The following CAMK1D variants were observed in gnomAD, a reference collection of about 807,000 sequenced individuals.
CAMK1D encodes the protein calcium/calmodulin dependent protein kinase ID.
Under a neutral mutation model 47.7 loss-of-function variants are expected in CAMK1D, and 9 were observed. The ratio of observed to expected loss-of-function variants is 0.19; its 90% CI spans 0.11 to 0.33. The LOEUF (loss-of-function observed/expected upper bound fraction) is 0.33, where lower values mean the gene tolerates loss of function less well. Ranked by LOEUF, CAMK1D falls within the 10% of genes least tolerant of loss-of-function variation. CAMK1D has a pLI of 1.00. For synonymous variants in CAMK1D, 184 were observed against 184.9 expected, an observed-to-expected ratio of 0.99 and a Z score of 0.04; for missense variants, 291 against 488.7, an observed-to-expected ratio of 0.60 and a Z score of 3.81.
chr10:12,824,542 G>A lies in CAMK1D; in HGVS notation c.911G>A (p.Ser304Asn). Residue 304 changes from serine to asparagine, a missense_variant, in exon 9 of 11, where the codon AGC becomes AAC. Around this residue, in one of 2 missense-constraint regions of CAMK1D, gnomAD observed 219 missense variants for 424.3 expected, o/e 0.52. Transcript: ENST00000619168. ...CAGATCCGGAAAAACTTTGCCAAGA[G>A]CAAATGGAGAGTAAGTGTGGAGTAT... ...SAQIRKNFAK[S>N]KWRQAFNATA... The A allele has an allele frequency of 6.2e-7, 1 of 1,613,850 alleles. No individual in the cohort carries two copies. The highest frequency in any genetic ancestry group is 8.5e-7 in the Non-Finnish European group (1 of 1,179,766).
rs1834518337 is a variant in CAMK1D at position 12,495,713 on chromosome 10, A to G, written c.93-57512A>G. Among the ~76,000 whole-genome samples, 3 of 152,384 alleles carry G rather than the reference A, an allele frequency of 2.0e-5. No homozygotes were observed. In the South Asian group the frequency reaches 6.2e-4, roughly 32 times the overall value. ...ATAGAATCAGGAAGGAAGAATGTCCAACAGGAGTCATTGTTGTCTGTTGAG... is the reference window on the plus strand; with the variant it reads ...ATAGAATCAGGAAGGAAGAATGTCCGACAGGAGTCATTGTTGTCTGTTGAG... On this transcript the variant is annotated intron_variant, in intron 1 of 10. Coordinates refer to ENST00000619168, the MANE Select transcript of CAMK1D (RefSeq NM_153498.4).
At chr10:12,454,738 C>T (rs189854586) in intron 1 of CAMK1D, among the ~76,000 whole-genome samples, 19 of 152,344 alleles carry the variant, frequency 1.2e-4, no homozygotes, top group Non-Finnish European at 1.9e-4. Flanking sequence ...GCTGGGATTA[C>T]AGGTGTGAGC....
At chr10:12,536,667 A>G (rs1260568606) in intron 1 of CAMK1D, among the ~76,000 whole-genome samples, 1 of 152,170 alleles carries the variant, frequency 6.6e-6, no homozygotes, top group Non-Finnish European at 1.5e-5. Context: ...GTGTCTTTGT[A>G]CTTTCACTAC....
chr10:12,577,092 T>C (rs974181150), intron 2 of CAMK1D, among the ~76,000 whole-genome samples: 60 of 152,302 alleles, frequency 3.9e-4, no homozygotes, highest in African/African-American at 1.4e-3. Flanking sequence ...CTGGGGCACT[T>C]GCAGGAGGTG....
intron 3 of CAMK1D, among the ~76,000 whole-genome samples, chr10:12,697,375 C>T (rs1259767339): frequency 6.6e-6 from 1 of 152,136 alleles, no homozygotes; most frequent in South Asian, 2.1e-4. Context: ...GGAGCAGCAG[C>T]GTCGCTAAGT....
chr10:12,698,084 G>A (rs957697131), intron 3 of CAMK1D, among the ~76,000 whole-genome samples: 3 of 152,138 alleles, frequency 2.0e-5, no homozygotes, highest in Non-Finnish European at 4.4e-5. Flanking sequence ...TCTAAAAGTA[G>A]TGACATTATA....
intron 1 of CAMK1D, among the ~76,000 whole-genome samples, chr10:12,409,045 C>T (rs754440766): frequency 9.9e-5 from 15 of 151,850 alleles, no homozygotes; most frequent in East Asian, 1.9e-4. Flanking sequence ...TTAGTAGAGA[C>T]GGAGTTTCGC....
chr10:12,563,232 A>G (rs924267568), intron 2 of CAMK1D, among the ~76,000 whole-genome samples: 1 of 152,166 alleles, frequency 6.6e-6, no homozygotes. Context: ...GCACGCACCT[A>G]TACCTGCAGC....
At chr10:12,562,119 A>C (rs756101686) in intron 2 of CAMK1D, among the ~76,000 whole-genome samples, 2 of 152,226 alleles carry the variant, frequency 1.3e-5, no homozygotes. Context: ...CACATTCTGC[A>C]GGCTGGGAAG....
At chr10:12,407,351 A>C (rs1335787448) in intron 1 of CAMK1D, among the ~76,000 whole-genome samples, 33 of 152,228 alleles carry the variant, frequency 2.2e-4, no homozygotes, top group Admixed American at 2.1e-3. Flanking sequence ...CCAGGAAATC[A>C]TACCAGCCTT....
At chr10:12,731,339 A>G (rs181463301) in intron 3 of CAMK1D, among the ~76,000 whole-genome samples, 4 of 152,206 alleles carry the variant, frequency 2.6e-5, no homozygotes, top group South Asian at 2.1e-4. Context: ...GATTGTTTCT[A>G]TTTTCTCAGT....
intron 2 of CAMK1D, among the ~76,000 whole-genome samples, chr10:12,642,194 C>T (rs543521868): frequency 1.2e-4 from 19 of 152,242 alleles, no homozygotes; most frequent in East Asian, 5.8e-4. Flanking sequence ...TGCGTGATGA[C>T]GCATCATGCT....
chr10:12,425,940 T>TA (rs1422717532), intron 1 of CAMK1D, among the ~76,000 whole-genome samples: 1 of 152,196 alleles, frequency 6.6e-6, no homozygotes, highest in Non-Finnish European at 1.5e-5. Flanking sequence ...GAAAACAGAC[T>TA]AAAAAATTCT....
chr10:12,801,901 C>T (rs762972036), intron 6 of CAMK1D, among the ~76,000 whole-genome samples: 1 of 152,234 alleles, frequency 6.6e-6, no homozygotes, highest in Non-Finnish European at 1.5e-5. Context: ...GTCACTCACA[C>T]AGTTCCTGAT....
intron 1 of CAMK1D, among the ~76,000 whole-genome samples, chr10:12,526,924 G>A (rs1316385399): frequency 7.3e-6 from 1 of 137,834 alleles, no homozygotes; most frequent in Non-Finnish European, 1.6e-5. Context: ...TCAGAACCTT[G>A]CCTCTAGTCC....
chr10:12,479,389 T>C (rs1366208289), intron 1 of CAMK1D, among the ~76,000 whole-genome samples: 1 of 151,890 alleles, frequency 6.6e-6, no homozygotes, highest in Non-Finnish European at 1.5e-5. Context: ...AGAGATGGGG[T>C]TTCACCATGT....
In CAMK1D at chr10:12,683,131, G is replaced by T. The variant is rs185080563; in HGVS notation, c.299+16321G>T. Among the ~76,000 whole-genome samples, 248 of 146,844 alleles carry T rather than the reference G, an allele frequency of 1.7e-3. 2 individuals are homozygous for T. In the East Asian group the frequency reaches 0.018, roughly 11 times the overall value. ...AGATGGAGTCTCGCTTTGTTGCCCAGGCTGGAGTGCGGTGGCGTGATCTCA... is the reference window on the plus strand; with the variant it reads ...AGATGGAGTCTCGCTTTGTTGCCCATGCTGGAGTGCGGTGGCGTGATCTCA... On this transcript the variant is annotated intron_variant, in intron 3 of 10. Transcript: ENST00000619168.
At chr10:12,717,768 C>G (rs1481450452) in intron 3 of CAMK1D, among the ~76,000 whole-genome samples, 1 of 147,248 alleles carries the variant, frequency 6.8e-6, no homozygotes, top group Admixed American at 6.7e-5. Context: ...GTGGTGCACA[C>G]CTGTAGTCCC....
chr10:12,693,461 AAAAAAC>A (rs964015782), intron 3 of CAMK1D, among the ~76,000 whole-genome samples: 5 of 152,124 alleles, frequency 3.3e-5, no homozygotes, highest in African/African-American at 9.6e-5. Flanking sequence ...AAAAAATACC[AAAAAAC>A]AAAAACAAAA....
Sources: gnomAD v4.1 joint callset for allele counts (sites outside exome capture counted in the v4.1 genomes callset) on GRCh38, gnomAD v4.1.1 for gene constraint, gnomAD v4.1.1 regional missense constraint, MANE v1.5 for transcripts, NCBI Gene and HGNC (gene_info 2026-07-23, HGNC 2026-07-21) for gene names.